Variants in PRDM11 observed in about 807,000 individuals in gnomAD.
The protein encoded by PRDM11 is PR domain-containing protein 11.
A neutral mutation model predicts 97.8 loss-of-function variants in PRDM11; 20 were observed. The observed-to-expected ratio is 0.20, with a 90% confidence interval of 0.14 to 0.30. PRDM11 has a LOEUF of 0.30. Ranked by LOEUF, PRDM11 falls within the 10% of genes least tolerant of loss-of-function variation. PRDM11 has a pLI of 1.00. For synonymous variants in PRDM11, 599 were observed against 637.7 expected, an observed-to-expected ratio of 0.94 and a Z score of 0.91; for missense variants, 1,139 against 1,555.2, an observed-to-expected ratio of 0.73 and a Z score of 4.50.
chr11:45,095,758 C>T (rs111814675), upstream of PRDM11: 37 of 703,146 alleles, frequency 5.3e-5, no homozygotes, highest in Admixed American at 1.5e-4. Context: ...GCCGCAGATA[C>T]GATGGCTACA....
In PRDM11 at chr11:45,230,032, C is replaced by G. The variant is rs1473612542; in HGVS notation, c.*1873C>G. 1 of 152,068 alleles carries G rather than the reference C, an allele frequency of 6.6e-6. No individual in the cohort carries two copies. The highest frequency in any genetic ancestry group is 1.5e-5 in the Non-Finnish European group (1 of 68,034). 9.4% of individuals were successfully genotyped at this position (152,068 alleles called of 1,614,324 possible). A position where few individuals can be genotyped will look rare whatever the true frequency, so the allele number is the denominator to read the frequency against. ...TTGGTTCCACCAGTCCCTTCATCCC[C>G]TACCAATCCCTTCCCCTTCACCTCC... On this transcript the variant is annotated 3_prime_UTR_variant, in exon 8 of 8. Transcript: ENST00000683152.
chr11:45,209,009 CAG>C (rs752628731), intron 5 of PRDM11: 1 of 456,636 alleles, frequency 2.2e-6, no homozygotes, highest in Non-Finnish European at 4.4e-6. Flanking sequence ...CCCATGCTGA[CAG>C]GGACAAGATT....
rs1271730483 is a variant in PRDM11 at position 45,227,565 on chromosome 11, G to C, written c.2940G>C (p.Arg980=). The C allele has an allele frequency of 1.3e-6, 2 of 1,533,808 alleles. No individual in the cohort carries two copies. The highest frequency in any genetic ancestry group is 2.0e-5 in the Admixed American group (1 of 50,976). ...ILAQRFDSRS[R]IFVKACQVFD... The stretch of plus-strand genomic sequence containing the variant: ...CTCAGAGGTTCGACTCCCGCAGCCG[G>C]ATCTTTGTGAAGGCCTGCCAGGTGT... Residue 980 remains arginine (R), a synonymous_variant, in exon 8 of 8, where the codon CGG becomes CGC. Coordinates refer to ENST00000683152, the MANE Select transcript of PRDM11 (RefSeq NM_001384648.1). The surrounding 1 kb of genome is among the most constrained non-coding windows in gnomAD (Gnocchi z 8.0).
intron 1 of PRDM11, among the ~76,000 whole-genome samples, chr11:45,103,378 G>A (rs1852011719): frequency 1.3e-5 from 2 of 152,116 alleles, no homozygotes; most frequent in Admixed American, 6.5e-5. Flanking sequence ...AAGATGAGAG[G>A]GAGATGAGGA....
intron 1 of PRDM11, among the ~76,000 whole-genome samples, chr11:45,123,458 AG>A (rs1217119511): frequency 2.6e-5 from 3 of 113,212 alleles, no homozygotes; most frequent in East Asian, 4.2e-4. Context: ...GTTTTCTTCT[AG>A]GGTTTTTTAT....
upstream of PRDM11, among the ~76,000 whole-genome samples, chr11:45,143,889 T>C (rs10742743): frequency 0.84 from 127,650 of 152,154 alleles, 54,026 homozygotes; most frequent in Middle Eastern, 0.88. Flanking sequence ...GTGGAGCTCT[T>C]ATCTCATCCC....
intron 5 of PRDM11, chr11:45,214,610 C>G (rs528274933): frequency 4.0e-4 from 61 of 152,198 alleles, no homozygotes; most frequent in Non-Finnish European, 4.0e-4. Context: ...ACTGAACACT[C>G]TCCTGTCCAA....
At chr11:45,179,400 C>T (rs1852412396) in intron 1 of PRDM11, among the ~76,000 whole-genome samples, 1 of 152,188 alleles carries the variant, frequency 6.6e-6, no homozygotes, top group South Asian at 2.1e-4. Context: ...TATTATTAGC[C>T]ACATTTTCTA....
intron 1 of PRDM11, among the ~76,000 whole-genome samples, chr11:45,151,176 G>C (rs2135684347): frequency 6.6e-6 from 1 of 152,276 alleles, no homozygotes; most frequent in Non-Finnish European, 1.5e-5. Context: ...GGTGGCCCTG[G>C]TGCCAGGGCT....
At chr11:45,171,906 A>ACAATT (rs56328463) in intron 1 of PRDM11, among the ~76,000 whole-genome samples, 54,715 of 151,388 alleles carry the variant, frequency 0.36, 10,485 homozygotes, top group Non-Finnish European at 0.44. Flanking sequence ...TGGGTGTCCA[A>ACAATT]CAATTCAATT....
Position 45,219,388 on chromosome 11 carries a change from A to G in PRDM11, c.555-182A>G, listed in dbSNP as rs1854046747. On this transcript the variant is annotated intron_variant, in intron 5 of 7. Transcript: ENST00000683152. The surrounding 1 kb of genome is among the most constrained non-coding windows in gnomAD (Gnocchi z 4.2). ...GGTCCCACAACACGGTGACGTTGGGACAGGGATGGGTTCTGGCTGGTGCTG... is the reference window on the plus strand; with the variant it reads ...GGTCCCACAACACGGTGACGTTGGGGCAGGGATGGGTTCTGGCTGGTGCTG... 6.6e-6 allele frequency among the ~76,000 whole-genome samples: 1 copy of G among 152,150 alleles called. No individual in the cohort carries two copies. Among genetic ancestry groups the G allele is most frequent in the Non-Finnish European group, 1.5e-5 (1 of 68,040 alleles).
chr11:45,165,226 G>A (rs556756199), intron 1 of PRDM11, among the ~76,000 whole-genome samples: 11 of 152,218 alleles, frequency 7.2e-5, no homozygotes, highest in African/African-American at 2.2e-4. Flanking sequence ...TGCCCTCCTC[G>A]CCTCTCCCAT....
intron 1 of PRDM11, among the ~76,000 whole-genome samples, chr11:45,166,205 T>A (rs1852060388): frequency 6.6e-6 from 1 of 152,212 alleles, no homozygotes. Context: ...TCCTCAGGAC[T>A]TGTTCCGTCC....
chr11:45,103,171 C>A (rs566714124), intron 1 of PRDM11, among the ~76,000 whole-genome samples: 33 of 152,304 alleles, frequency 2.2e-4, no homozygotes, highest in Admixed American at 2.1e-3. Flanking sequence ...TCAGGATGGT[C>A]ACCAGCAGCT....
At position 45,096,998 on chromosome 11, in the gene PRDM11, G is replaced by T. The variant is rs113974875; in HGVS notation, c.96+1097G>T. ...TCCTTTTTCTCATCTGGCAAACGGG[G>T]ATAATGAGGCTACCAACCTGGAAAT... On this transcript the variant is annotated intron_variant, in intron 1 of 6. Transcript: ENST00000530656. 5.1e-3 allele frequency among the ~76,000 whole-genome samples: 772 copies of T among 152,344 alleles called. 5 individuals carry two copies. The highest frequency in any genetic ancestry group is 0.018 in the African/African-American group (733 of 41,572).
chr11:45,198,428 A>G (rs1051405604), intron 4 of PRDM11, among the ~76,000 whole-genome samples: 2 of 152,206 alleles, frequency 1.3e-5, no homozygotes, highest in Admixed American at 1.3e-4. Context: ...AGGTATGCCA[A>G]AGTGCTTCAT....
chr11:45,130,927 A>G (rs10769119), intron 1 of PRDM11, among the ~76,000 whole-genome samples: 65,880 of 152,046 alleles, frequency 0.43, 17,275 homozygotes, highest in Non-Finnish European at 0.58. Flanking sequence ...ATTAGAGTAC[A>G]CATGTCCATC....
intron 5 of PRDM11, chr11:45,213,837 C>T (rs1283621050): frequency 4.8e-6 from 2 of 419,578 alleles, no homozygotes; most frequent in African/African-American, 4.1e-5. Context: ...ATCGGTTTTC[C>T]CAGCTCCCCT....
At chr11:45,220,380 A>G (rs1312607403) in intron 6 of PRDM11, among the ~76,000 whole-genome samples, 1 of 152,232 alleles carries the variant, frequency 6.6e-6, no homozygotes, top group African/African-American at 2.4e-5. Context: ...GTGCACCCTG[A>G]GAAGTAGATG....
Sources: allele counts gnomAD v4.1 joint callset (sites outside exome capture counted in the v4.1 genomes callset), GRCh38; gene constraint gnomAD v4.1.1; non-coding constraint Gnocchi (gnomAD v3.1); transcripts MANE v1.5; gene names NCBI Gene and HGNC (gene_info 2026-07-23, HGNC 2026-07-21).